CNTN5: variants seen among roughly 807,000 people sequenced by gnomAD.
The protein encoded by CNTN5 is contactin 5.
Under a neutral mutation model 129.1 loss-of-function variants are expected in CNTN5, and 77 were observed. The observed-to-expected ratio is 0.60, with a 90% confidence interval of 0.50 to 0.72. CNTN5 has a LOEUF of 0.72. Among genes scored for constraint, CNTN5 ranks in the 30% least tolerant of loss-of-function variants. The probability of loss-of-function intolerance (pLI) is 0.00; values close to 1 mark genes in which losing one functional copy is unlikely to be tolerated. For missense variants in CNTN5, 1,478 were observed against 1,328.8 expected (o/e 1.11, Z -1.75); for synonymous variants, 509 against 465.6 (o/e 1.09, Z -1.20).
At chr11:99,889,435 CAT>C (rs1336742963) in intron 6 of CNTN5, among the ~76,000 whole-genome samples, 2 of 148,980 alleles carry the variant, frequency 1.3e-5, no homozygotes, top group Non-Finnish European at 3.0e-5. Flanking sequence ...AATATTGACA[CAT>C]AAAATAGATT....
intron 2 of CNTN5, among the ~76,000 whole-genome samples, chr11:99,393,879 T>C (rs530595348): frequency 6.6e-6 from 1 of 151,846 alleles, no homozygotes; most frequent in South Asian, 2.1e-4. Flanking sequence ...AATTGTAAGA[T>C]AAAATGCAGA....
intron 16 of CNTN5, among the ~76,000 whole-genome samples, chr11:100,225,887 G>T (rs1949362650): frequency 6.6e-6 from 1 of 152,056 alleles, no homozygotes. Context: ...GGCATAGAGT[G>T]AGCCTCATCA....
At chr11:99,679,516 T>G (rs1953459980) in intron 3 of CNTN5, among the ~76,000 whole-genome samples, 1 of 152,106 alleles carries the variant, frequency 6.6e-6, no homozygotes, top group African/African-American at 2.4e-5. Flanking sequence ...ACTATTGTAA[T>G]TTTTTTGAGT....
intron 2 of CNTN5, among the ~76,000 whole-genome samples, chr11:99,377,059 G>T (rs1441756676): frequency 6.6e-6 from 1 of 152,094 alleles, no homozygotes; most frequent in Non-Finnish European, 1.5e-5. Context: ...GGTTGGGAGG[G>T]TCTGTTTTGG....
At chr11:100,351,245 A>G (rs768666160) in intron 24 of CNTN5, among the ~76,000 whole-genome samples, 6 of 151,678 alleles carry the variant, frequency 4.0e-5, no homozygotes, top group Non-Finnish European at 8.9e-5. Context: ...GTTAGACAAT[A>G]AGGAATTTAA....
intron 1 of CNTN5, among the ~76,000 whole-genome samples, chr11:99,157,113 A>AT (rs1052868067): frequency 1.3e-5 from 2 of 152,032 alleles, no homozygotes; most frequent in Non-Finnish European, 2.9e-5. Context: ...AGCAATTGCT[A>AT]TTTTTTATCT....
At chr11:100,132,897 G>A (rs1456594207) in intron 13 of CNTN5, among the ~76,000 whole-genome samples, 1 of 151,984 alleles carries the variant, frequency 6.6e-6, no homozygotes, top group African/African-American at 2.4e-5. Context: ...CAAAACTAGT[G>A]TTTTTGAATT....
At chr11:99,641,076 A>T (rs1307222713) in intron 3 of CNTN5, among the ~76,000 whole-genome samples, 1 of 152,218 alleles carries the variant, frequency 6.6e-6, no homozygotes, top group African/African-American at 2.4e-5. Flanking sequence ...AAGTACACTT[A>T]AGGAGGTTAA....
chr11:100,321,678 T>C (rs958671855), intron 21 of CNTN5, among the ~76,000 whole-genome samples: 4 of 152,140 alleles, frequency 2.6e-5, no homozygotes, highest in Non-Finnish European at 4.4e-5. Context: ...TGATGTTAGT[T>C]GTGTGTTTGT....
chr11:100,168,270 T>C (rs1947707686), intron 13 of CNTN5, among the ~76,000 whole-genome samples: 1 of 151,946 alleles, frequency 6.6e-6, no homozygotes, highest in Non-Finnish European at 1.5e-5. Context: ...ACAGTAGATT[T>C]TCAATGTAGA....
intron 9 of CNTN5, among the ~76,000 whole-genome samples, chr11:100,007,811 G>A (rs563216229): frequency 1.1e-4 from 16 of 151,186 alleles, no homozygotes; most frequent in Admixed American, 9.2e-4. Flanking sequence ...TTCACAAGTC[G>A]GCTAACTGAG....
chr11:99,922,310 A>G (rs1949959169), intron 7 of CNTN5, among the ~76,000 whole-genome samples: 1 of 152,200 alleles, frequency 6.6e-6, no homozygotes, highest in African/African-American at 2.4e-5. Flanking sequence ...CACTGGATCC[A>G]TCCCACAACA....
At chr11:99,843,785 C>A (rs1418815936) in intron 4 of CNTN5, among the ~76,000 whole-genome samples, 2 of 152,126 alleles carry the variant, frequency 1.3e-5, no homozygotes, top group African/African-American at 4.8e-5. Flanking sequence ...CCCAAAACAT[C>A]AATGGTACAG....
rs369273729 is a variant in CNTN5 at position 100,184,600 on chromosome 11, G to A, written c.1581-6526G>A. Among the ~76,000 whole-genome samples, 20 of 152,180 alleles carry A rather than the reference G, an allele frequency of 1.3e-4. No homozygotes were observed. In the East Asian group the frequency reaches 2.7e-3, roughly 21 times the overall value. ...TTGGAAGCAGCTTCCTCTCCTGAGCGTCCAGAGAGGAGCCCTGCCTGGCCA... is the reference window on the plus strand; with the variant it reads ...TTGGAAGCAGCTTCCTCTCCTGAGCATCCAGAGAGGAGCCCTGCCTGGCCA... On this transcript the variant is annotated intron_variant, in intron 13 of 24. Coordinates refer to ENST00000524871, the MANE Select transcript of CNTN5 (RefSeq NM_014361.4).
intron 2 of CNTN5, among the ~76,000 whole-genome samples, chr11:99,498,546 T>C (rs1211391266): frequency 2.0e-5 from 3 of 152,196 alleles, no homozygotes; most frequent in Non-Finnish European, 2.9e-5. Context: ...TTCCCAAACT[T>C]TCCTTTGAGA....
At chr11:99,882,681 C>T (rs1948802010) in intron 6 of CNTN5, among the ~76,000 whole-genome samples, 1 of 152,092 alleles carries the variant, frequency 6.6e-6, no homozygotes, top group South Asian at 2.1e-4. Context: ...TATCCATCCC[C>T]TTTAGCATTT....
At chr11:99,680,450 A>G (rs914956531) in intron 3 of CNTN5, among the ~76,000 whole-genome samples, 2 of 151,624 alleles carry the variant, frequency 1.3e-5, no homozygotes, top group Non-Finnish European at 2.9e-5. Context: ...TGCTCTGTAA[A>G]TGAAATTACA....
intron 3 of CNTN5, among the ~76,000 whole-genome samples, chr11:99,645,262 C>CAA (rs71050011): frequency 0.34 from 16,167 of 47,292 alleles, 2,168 homozygotes; most frequent in South Asian, 0.39. Flanking sequence ...TCCATCTCAA[C>CAA]AAAAAAAAAA....
Position 100,233,799 on chromosome 11 carries a change from A to T in CNTN5, c.2005+8987A>T, listed in dbSNP as rs144857606. Among the ~76,000 whole-genome samples the T allele has an allele frequency of 8.5e-5, 13 of 152,294 alleles. No homozygotes were observed. The East Asian group carries it at 2.5e-3, about 29-fold the overall frequency. On this transcript the variant is annotated intron_variant, in intron 16 of 24. Coordinates refer to ENST00000524871, the MANE Select transcript of CNTN5 (RefSeq NM_014361.4). The stretch of plus-strand genomic sequence containing the variant: ...AGTCAAAAAGTCTTTGCCCATGCCC[A>T]GATGGGATCTAATTAAACTAAAGAG...
Sources: allele counts gnomAD v4.1 joint callset (sites outside exome capture counted in the v4.1 genomes callset), GRCh38; gene constraint gnomAD v4.1.1; transcripts MANE v1.5; gene names NCBI Gene and HGNC (gene_info 2026-07-23, HGNC 2026-07-21).